Variants in RABL3 observed in about 807,000 individuals in gnomAD.
The protein encoded by RABL3 is RAB, member of RAS oncogene family like 3, also known as rab-like protein 3.
RABL3 carries 31 observed loss-of-function variants against 31.8 expected under a neutral mutation model. The observed-to-expected ratio is 0.97, with a 90% confidence interval of 0.73 to 1.31. RABL3 has a LOEUF of 1.31. RABL3 is among the 40% of genes most tolerant of loss of function. RABL3 has a pLI of 0.00. For missense variants in RABL3, 263 were observed against 279.6 expected, an observed-to-expected ratio of 0.94 and a Z score of 0.42; for synonymous variants, 97 against 99.9, an observed-to-expected ratio of 0.97 and a Z score of 0.18.
intron 2 of RABL3, among the ~76,000 whole-genome samples, chr3:120,715,335 T>G (rs1708655785): frequency 6.6e-6 from 1 of 152,220 alleles, no homozygotes; most frequent in Non-Finnish European, 1.5e-5. Flanking sequence ...GGCCAGGAGT[T>G]TGAGACCAGC....
intron 1 of RABL3, among the ~76,000 whole-genome samples, chr3:120,732,311 T>C (rs1273690121): frequency 1.3e-5 from 2 of 152,222 alleles, no homozygotes; most frequent in African/African-American, 2.4e-5. Flanking sequence ...AAGTATTTTC[T>C]GAACCCACAT....
chr3:120,709,423 C>T (rs1177889059), intron 3 of RABL3, among the ~76,000 whole-genome samples: 1 of 152,010 alleles, frequency 6.6e-6, no homozygotes. Context: ...TGGCTTAAGA[C>T]TATGGGACTC....
chr3:120,735,221 AG>A (rs199758031), intron 1 of RABL3, among the ~76,000 whole-genome samples: 34,746 of 152,016 alleles, frequency 0.23, 4,683 homozygotes, highest in Non-Finnish European at 0.3. Context: ...TCAATTTCCA[AG>A]CCTGTTATTG....
intron 2 of RABL3, among the ~76,000 whole-genome samples, chr3:120,725,461 G>T (rs1299957832): frequency 6.6e-6 from 1 of 152,170 alleles, no homozygotes. Flanking sequence ...ATACCCAAAG[G>T]ATTATAAATC....
rs73855267 is a variant in RABL3, at chr3:120,703,088, C to T, written c.383+2912G>A. On this transcript the variant is annotated intron_variant, in intron 4 of 7. Coordinates refer to ENST00000273375, the MANE Select transcript of RABL3 (RefSeq NM_173825.5). ...GAGAAAGCAACCCCATGAAGTAGTTCGTGAATGCTTGAGCTCATTGCCAAA... is the reference window on the plus strand; with the variant it reads ...GAGAAAGCAACCCCATGAAGTAGTTTGTGAATGCTTGAGCTCATTGCCAAA... 6.4e-3 allele frequency among the ~76,000 whole-genome samples: 968 copies of T among 152,226 alleles called. 8 individuals are homozygous for T. The highest frequency in any genetic ancestry group is 0.022 in the African/African-American group (900 of 41,526).
At chr3:120,694,085 T>C (rs1708409203) in intron 6 of RABL3, 68 bp downstream of exon 6, 4 of 1,014,604 alleles carry the variant, frequency 3.9e-6, no homozygotes, top group Non-Finnish European at 6.0e-6. Context: ...CATAGGATTC[T>C]ACAAAAAAAT....
At chr3:120,690,425 T>G in intron 7 of RABL3, 24 bp downstream of exon 7, 1 of 1,504,370 alleles carries the variant, frequency 6.6e-7, no homozygotes, top group South Asian at 1.1e-5. Flanking sequence ...AAGAATCTAT[T>G]TTATCAAGAA....
intron 1 of RABL3, among the ~76,000 whole-genome samples, chr3:120,738,114 C>T (rs890651899): frequency 9.2e-5 from 14 of 152,372 alleles, no homozygotes; most frequent in African/African-American, 3.4e-4. Flanking sequence ...GTGGAGTCTA[C>T]AGAGGCACAC....
chr3:120,708,351 A>C (rs905170133), intron 3 of RABL3, among the ~76,000 whole-genome samples: 10 of 152,170 alleles, frequency 6.6e-5, no homozygotes, highest in African/African-American at 2.4e-4. Context: ...AAGATAAACA[A>C]ATATAGATTA....
intron 2 of RABL3, among the ~76,000 whole-genome samples, chr3:120,715,083 A>G (rs1387698598): frequency 6.6e-6 from 1 of 152,152 alleles, no homozygotes; most frequent in African/African-American, 2.4e-5. Context: ...TTTTTCACCT[A>G]TAATATGGCC....
intron 4 of RABL3, among the ~76,000 whole-genome samples, chr3:120,699,481 A>G (rs1708472199): frequency 6.6e-6 from 1 of 152,226 alleles, no homozygotes. Context: ...CTCACATATT[A>G]GAAATAAAAC....
chr3:120,730,679 A>G lies in RABL3; in HGVS notation c.138+17T>C. On this transcript the variant is annotated intron_variant, in intron 2 of 7. Transcript: ENST00000273375. ...TTTAGTACATTATTGAAAAACTAAA[A>G]TATAAAAGACACATACTCTGACATC... 6.4e-7 allele frequency: 1 copy of G among 1,568,962 alleles called. No homozygotes were observed. The highest frequency in any genetic ancestry group is 2.2e-5 in the East Asian group (1 of 44,654).
chr3:120,734,061 A>G (rs1708923265), intron 1 of RABL3, among the ~76,000 whole-genome samples: 1 of 151,370 alleles, frequency 6.6e-6, no homozygotes, highest in Non-Finnish European at 1.5e-5. Flanking sequence ...CGTGAACTTT[A>G]GTTTTTTCCA....
At chr3:120,736,841 A>G (rs539467808) in intron 1 of RABL3, among the ~76,000 whole-genome samples, 1 of 152,276 alleles carries the variant, frequency 6.6e-6, no homozygotes, top group East Asian at 1.9e-4. Flanking sequence ...TCTTTTCTTT[A>G]AGAATGTTGA....
At chr3:120,728,563 A>T (rs1321555816) in intron 2 of RABL3, among the ~76,000 whole-genome samples, 2 of 152,170 alleles carry the variant, frequency 1.3e-5, no homozygotes, top group Non-Finnish European at 2.9e-5. Flanking sequence ...TGGTTGGCTA[A>T]AATGACACAA....
intron 2 of RABL3, among the ~76,000 whole-genome samples, chr3:120,725,194 A>C (rs1175546119): frequency 6.6e-6 from 1 of 152,238 alleles, no homozygotes; most frequent in Non-Finnish European, 1.5e-5. Flanking sequence ...ACACATGAAA[A>C]AATGCTCACC....
chr3:120,717,476 G>A (rs1006867024), intron 2 of RABL3, among the ~76,000 whole-genome samples: 3 of 151,866 alleles, frequency 2.0e-5, no homozygotes, highest in Admixed American at 1.3e-4. Flanking sequence ...TTTTTGTTTT[G>A]TTTTGTTTTT....
In RABL3 at chr3:120,711,855, C is replaced by T. The variant is rs1381147378; in HGVS notation, c.139-1946G>A. ...CCAAACGATTCTGCTGTAATCCCCTCGTTAAGAACTGCTGCTTTCATAGAA... is the reference window on the plus strand; with the variant it reads ...CCAAACGATTCTGCTGTAATCCCCTTGTTAAGAACTGCTGCTTTCATAGAA... On this transcript the variant is annotated intron_variant, in intron 2 of 7. Coordinates refer to ENST00000273375, the MANE Select transcript of RABL3 (RefSeq NM_173825.5). 3.9e-5 allele frequency among the ~76,000 whole-genome samples: 6 copies of T among 152,240 alleles called. No individual in the cohort carries two copies. The South Asian group carries it at 6.2e-4, about 16-fold the overall frequency.
chr3:120,730,913 C>A, intron 1 of RABL3, 126 bp from the exon 2 acceptor site: 1 of 681,110 alleles, frequency 1.5e-6, no homozygotes. Flanking sequence ...GCCATACCAA[C>A]AATATAAGCT....
Sources: allele counts gnomAD v4.1 joint callset (sites outside exome capture counted in the v4.1 genomes callset), GRCh38; gene constraint gnomAD v4.1.1; transcripts MANE v1.5; gene names NCBI Gene and HGNC (gene_info 2026-07-23, HGNC 2026-07-21).